Variants in ANO4 observed in about 807,000 individuals in gnomAD.
ANO4 encodes the protein anoctamin 4.
A neutral mutation model predicts 141.9 loss-of-function variants in ANO4; 69 were observed. That is an observed-to-expected ratio of 0.49 (90% CI 0.40 to 0.59). The LOEUF is 0.59. Ranked by LOEUF, ANO4 falls within the 20% of genes least tolerant of loss-of-function variation. ANO4 has a pLI of 0.00. For synonymous variants in ANO4, 350 were observed against 394.3 expected (o/e 0.89, Z 1.33); for missense variants, 894 against 1,162.2 (o/e 0.77, Z 3.36).
Position 101,126,962 on chromosome 12 carries a change from G to A in ANO4, c.2760G>A (p.Glu920=). The part of the protein sequence containing the change: ...PKDLRDRMRR[E]KYLIQEMMYE... Reference sequence around the variant, plus strand: ...ACCTAAGGGATCGAATGAGAAGAGAGAAGTACTTGATTCAGGAGATGATGT... The same window carrying A: ...ACCTAAGGGATCGAATGAGAAGAGAAAAGTACTTGATTCAGGAGATGATGT... Residue 920 remains glutamate (E), a synonymous_variant, in exon 27 of 28, where the codon GAG becomes GAA. Transcript: ENST00000392977. 1 of 1,614,200 alleles carries A rather than the reference G, an allele frequency of 6.2e-7. No homozygotes were observed.
intron 11 of ANO4, among the ~76,000 whole-genome samples, chr12:101,041,234 C>G (rs1034861540): frequency 9.2e-5 from 14 of 152,134 alleles, no homozygotes; most frequent in African/African-American, 3.1e-4. Context: ...AAAGACAATG[C>G]ACTTTATATT....
At chr12:100,933,387 G>A (rs1323968638) in intron 3 of ANO4, among the ~76,000 whole-genome samples, 1 of 152,108 alleles carries the variant, frequency 6.6e-6, no homozygotes, top group Non-Finnish European at 1.5e-5. Flanking sequence ...TTCTGTCCTT[G>A]TGATAGTTTG....
Position 101,080,883 on chromosome 12 carries a change from T to TTATATATATATATA in ANO4, c.1395+1613_1395+1626dup, listed in dbSNP as rs1463149041. 8.9e-3 allele frequency among the ~76,000 whole-genome samples: 661 copies of TTATATATATATATA among 73,902 alleles called. 10 individuals are homozygous for TTATATATATATATA. The highest frequency in any genetic ancestry group is 0.053 in the East Asian group (94 of 1,764). 48.5% of individuals were successfully genotyped at this position (73,902 alleles called of 152,430 possible). A position where few individuals can be genotyped will look rare whatever the true frequency, so the allele number is the denominator to read the frequency against. On this transcript the variant is annotated intron_variant, in intron 15 of 27. Coordinates refer to ENST00000392977, the MANE Select transcript of ANO4 (RefSeq NM_001286615.2). Reference sequence around the variant, plus strand: ...GGTTCTAGATATATATATATATATATTATATATATATATATATACATACAC... The same window carrying TTATATATATATATA: ...GGTTCTAGATATATATATATATATATTATATATATATATATATATATATATATATATACATACAC...
At chr12:100,750,537 T>C (rs183975503) in intron 3 of ANO4, among the ~76,000 whole-genome samples, 2 of 152,202 alleles carry the variant, frequency 1.3e-5, no homozygotes, top group East Asian at 1.9e-4. Flanking sequence ...ACAAAAAATA[T>C]TATACCAAAT....
At chr12:100,974,434 A>G (rs2136283359) in intron 6 of ANO4, among the ~76,000 whole-genome samples, 1 of 152,244 alleles carries the variant, frequency 6.6e-6, no homozygotes, top group South Asian at 2.1e-4. Flanking sequence ...AATGCTATAT[A>G]AATATTAGTT....
At chr12:101,072,699 A>T (rs532371647) in intron 14 of ANO4, among the ~76,000 whole-genome samples, 1 of 152,310 alleles carries the variant, frequency 6.6e-6, no homozygotes, top group African/African-American at 2.4e-5. Context: ...CATCTGACAA[A>T]GGGCTAATAT....
At chr12:100,895,124 C>T (rs1324204501) in intron 1 of ANO4, among the ~76,000 whole-genome samples, 1 of 149,404 alleles carries the variant, frequency 6.7e-6, no homozygotes, top group Non-Finnish European at 1.5e-5. Context: ...AGAGGAAACT[C>T]GAAATAAATA....
At chr12:100,886,603 C>T (rs2039842067) in intron 1 of ANO4, among the ~76,000 whole-genome samples, 2 of 152,162 alleles carry the variant, frequency 1.3e-5, no homozygotes, top group Admixed American at 1.3e-4. Context: ...GGTAGCCTTT[C>T]CCTGAACCGT....
Position 100,937,271 on chromosome 12 carries a change from T to C in ANO4, c.161-2044T>C, listed in dbSNP as rs146752397. On this transcript the variant is annotated intron_variant, in intron 3 of 27. Transcript: ENST00000392977. Reference sequence around the variant, plus strand: ...GTCAAGACAGACAAGGTCCTTGCCCTATGGAACTTACATTGTAATAAGGTA... The same window carrying C: ...GTCAAGACAGACAAGGTCCTTGCCCCATGGAACTTACATTGTAATAAGGTA... Among the ~76,000 whole-genome samples the C allele has an allele frequency of 3.6e-3, 546 of 152,238 alleles. 2 individuals carry two copies. The highest frequency in any genetic ancestry group is 8.9e-3 in the African/African-American group (368 of 41,564).
chr12:101,028,279 A>G (rs1284095545), intron 9 of ANO4, among the ~76,000 whole-genome samples: 1 of 152,210 alleles, frequency 6.6e-6, no homozygotes, highest in Non-Finnish European at 1.5e-5. Context: ...CTTCCCCTCC[A>G]AATGATTGCA....
chr12:100,960,657 T>C (rs979949970), intron 5 of ANO4, among the ~76,000 whole-genome samples: 3 of 152,042 alleles, frequency 2.0e-5, no homozygotes, highest in Admixed American at 1.3e-4. Flanking sequence ...GTTAAATTGC[T>C]TCCTCACTAG....
chr12:100,731,290 G>T (rs1044655548), intron 1 of ANO4, among the ~76,000 whole-genome samples: 1 of 152,128 alleles, frequency 6.6e-6, no homozygotes, highest in Non-Finnish European at 1.5e-5. Context: ...CTTGTAACCT[G>T]TAGTGGTTTA....
chr12:101,056,236 T>C (rs2048112167), intron 14 of ANO4, among the ~76,000 whole-genome samples: 1 of 152,224 alleles, frequency 6.6e-6, no homozygotes, highest in Admixed American at 6.5e-5. Context: ...GAGTGTCATT[T>C]AGCTTTTTGT....
chr12:100,998,742 GC>G (rs2045505936), intron 8 of ANO4, among the ~76,000 whole-genome samples: 1 of 152,156 alleles, frequency 6.6e-6, no homozygotes, highest in African/African-American at 2.4e-5. Flanking sequence ...TCTCACACTA[GC>G]CAGCTATGGA....
intron 2 of ANO4, among the ~76,000 whole-genome samples, chr12:100,919,730 A>ATCTATCTATCTATCTATC (rs2041533053): frequency 5.6e-5 from 7 of 124,232 alleles, no homozygotes; most frequent in South Asian, 2.8e-4. Flanking sequence ...GTATGTGTGT[A>ATCTATCTATCTATCTATC]TGTATGTATC....
intron 1 of ANO4, among the ~76,000 whole-genome samples, chr12:100,891,804 C>T (rs762719158): frequency 4.4e-4 from 66 of 151,700 alleles, no homozygotes; most frequent in Non-Finnish European, 8.2e-4. Flanking sequence ...TTTAAGAATA[C>T]AATACATTAT....
chr12:100,753,406 C>T (rs1043652227), intron 3 of ANO4, among the ~76,000 whole-genome samples: 1 of 152,154 alleles, frequency 6.6e-6, no homozygotes, highest in African/African-American at 2.4e-5. Flanking sequence ...GATCTGAGTC[C>T]TTTAGGCTGG....
intron 1 of ANO4, among the ~76,000 whole-genome samples, chr12:100,867,911 A>G (rs1210815766): frequency 1.3e-5 from 2 of 152,098 alleles, no homozygotes; most frequent in Non-Finnish European, 2.9e-5. Flanking sequence ...CAGTAAACCA[A>G]TGTAGTGTTT....
chr12:101,022,900 C>T (rs371660000), intron 9 of ANO4, among the ~76,000 whole-genome samples: 21 of 152,174 alleles, frequency 1.4e-4, no homozygotes, highest in African/African-American at 3.9e-4. Context: ...CCACCATGCC[C>T]GGCTAATTTT....
Sources: allele counts gnomAD v4.1 joint callset (sites outside exome capture counted in the v4.1 genomes callset), GRCh38; gene constraint gnomAD v4.1.1; transcripts MANE v1.5; gene names NCBI Gene and HGNC (gene_info 2026-07-23, HGNC 2026-07-21).